Variants in LRMDA observed in about 807,000 individuals in gnomAD.
The protein encoded by LRMDA is leucine rich melanocyte differentiation associated.
A neutral mutation model predicts 29.8 loss-of-function variants in LRMDA; 18 were observed. That is an observed-to-expected ratio of 0.60 (90% CI 0.42 to 0.90). The LOEUF (loss-of-function observed/expected upper bound fraction) is 0.90. Ranked by LOEUF, LRMDA falls within the 40% of genes least tolerant of loss-of-function variation. The pLI is 0.00. For synonymous variants in LRMDA, 125 were observed against 109.4 expected (o/e 1.14, Z -0.89); for missense variants, 273 against 273.9 (o/e 1.00, Z 0.02).
intron 2 of LRMDA, among the ~76,000 whole-genome samples, chr10:76,018,265 G>T (rs1390983547): frequency 1.3e-5 from 2 of 152,164 alleles, no homozygotes; most frequent in Non-Finnish European, 2.9e-5. Flanking sequence ...CCTGCATATT[G>T]TATGATGTTT....
chr10:76,518,189 G>C (rs1299294667), intron 6 of LRMDA, among the ~76,000 whole-genome samples: 1 of 151,694 alleles, frequency 6.6e-6, no homozygotes, highest in Non-Finnish European at 1.5e-5. Context: ...AGATATACCA[G>C]GCAATGGCAA....
At chr10:76,168,241 A>G (rs1036365962) in intron 5 of LRMDA, among the ~76,000 whole-genome samples, 1 of 152,148 alleles carries the variant, frequency 6.6e-6, no homozygotes, top group Non-Finnish European at 1.5e-5. Flanking sequence ...AACCACATCT[A>G]TTTCCTGAAA....
intron 2 of LRMDA, among the ~76,000 whole-genome samples, chr10:75,593,177 T>A (rs1840745025): frequency 6.6e-6 from 1 of 152,250 alleles, no homozygotes; most frequent in Non-Finnish European, 1.5e-5. Context: ...AATTTATTTT[T>A]TAACCAGTTT....
At position 76,452,493 on chromosome 10, in the gene LRMDA, G is replaced by GA. The variant is rs573403385; in HGVS notation, c.602-104705dup. Among the ~76,000 whole-genome samples, 70 of 144,462 alleles carry GA rather than the reference G, an allele frequency of 4.8e-4. 1 individual carries two copies. In the Middle Eastern group the frequency reaches 0.022, roughly 45 times the overall value. The allele number at this position is 144,462 out of a possible 152,430, so 94.8% of individuals were successfully genotyped here. On this transcript the variant is annotated intron_variant, in intron 6 of 6. Transcript: ENST00000611255. ...GTGAAATTTAAGATGGGAACTGAATGAAAAAAAAAAAGATATCCATCAGGT... is the reference window on the plus strand; with the variant it reads ...GTGAAATTTAAGATGGGAACTGAATGAAAAAAAAAAAAGATATCCATCAGGT...
intron 6 of LRMDA, among the ~76,000 whole-genome samples, chr10:76,327,966 A>C (rs1840856932): frequency 6.6e-6 from 1 of 152,212 alleles, no homozygotes; most frequent in African/African-American, 2.4e-5. Flanking sequence ...GGATGAATTG[A>C]AGTAACTGAT....
chr10:75,664,950 T>C (rs1564534459), intron 2 of LRMDA, among the ~76,000 whole-genome samples: 1 of 152,188 alleles, frequency 6.6e-6, no homozygotes, highest in African/African-American at 2.4e-5. Flanking sequence ...GTTGGGGATT[T>C]AGATACTATT....
At chr10:75,898,070 T>G (rs934283093) in intron 2 of LRMDA, among the ~76,000 whole-genome samples, 3 of 152,056 alleles carry the variant, frequency 2.0e-5, no homozygotes, top group African/African-American at 7.2e-5. Context: ...ATGATCCATC[T>G]GCCTTGGCCT....
chr10:75,814,444 G>A (rs1844021827), intron 2 of LRMDA, among the ~76,000 whole-genome samples: 1 of 152,148 alleles, frequency 6.6e-6, no homozygotes. Flanking sequence ...ACATACTAGT[G>A]TGCTCTCCTA....
At chr10:76,013,196 G>A (rs993115788) in intron 2 of LRMDA, among the ~76,000 whole-genome samples, 1 of 152,174 alleles carries the variant, frequency 6.6e-6, no homozygotes, top group Non-Finnish European at 1.5e-5. Context: ...GGGTGGTAAT[G>A]GGACCCAGGA....
chr10:75,959,304 G>A (rs1308447996), intron 2 of LRMDA, among the ~76,000 whole-genome samples: 2 of 152,116 alleles, frequency 1.3e-5, no homozygotes, highest in Non-Finnish European at 2.9e-5. Context: ...GAGAGGGACC[G>A]GGTTTTGGGC....
At chr10:76,124,919 C>G (rs563418032) in intron 5 of LRMDA, among the ~76,000 whole-genome samples, 17 of 152,172 alleles carry the variant, frequency 1.1e-4, no homozygotes, top group African/African-American at 3.9e-4. Flanking sequence ...TCATTTTTGT[C>G]TCAAAAGCAG....
chr10:75,975,746 G>A (rs2132443590), intron 2 of LRMDA, among the ~76,000 whole-genome samples: 1 of 152,292 alleles, frequency 6.6e-6, no homozygotes, highest in African/African-American at 2.4e-5. Flanking sequence ...AATCATGTCT[G>A]CTCAATATTC....
intron 6 of LRMDA, among the ~76,000 whole-genome samples, chr10:76,349,857 A>G (rs1360159652): frequency 6.6e-6 from 1 of 152,114 alleles, no homozygotes; most frequent in Non-Finnish European, 1.5e-5. Context: ...CTGGGACTCT[A>G]CCACAGGAAA....
rs191196798 is a variant in LRMDA, at chr10:76,060,932, A to G, written c.516+2149A>G. 2.9e-3 allele frequency among the ~76,000 whole-genome samples: 444 copies of G among 152,372 alleles called. 2 individuals carry two copies. Among genetic ancestry groups the G allele is most frequent in the Non-Finnish European group, 4.7e-3 (321 of 68,034 alleles). ...CTTTAAAAAGCCTGTTAAGGTGTAA[A>G]TTAGTTCAACCATTGTGGAAAGCAG... On this transcript the variant is annotated intron_variant, in intron 5 of 6. Transcript: ENST00000611255.
intron 5 of LRMDA, among the ~76,000 whole-genome samples, chr10:76,259,683 T>C (rs966897957): frequency 1.3e-5 from 2 of 152,116 alleles, no homozygotes; most frequent in African/African-American, 2.4e-5. Flanking sequence ...CAACTACTAT[T>C]GTATTGGGGT....
At chr10:75,599,850 T>C (rs763912463) in intron 2 of LRMDA, among the ~76,000 whole-genome samples, 4 of 151,792 alleles carry the variant, frequency 2.6e-5, no homozygotes, top group Non-Finnish European at 4.4e-5. Context: ...CCCTAGAGAG[T>C]GGTTTCTCCA....
chr10:75,505,241 A>G (rs780020675), intron 2 of LRMDA, among the ~76,000 whole-genome samples: 5 of 152,192 alleles, frequency 3.3e-5, no homozygotes, highest in Non-Finnish European at 5.9e-5. Flanking sequence ...TGGTGGTCTC[A>G]TGGCATTGTA....
intron 2 of LRMDA, among the ~76,000 whole-genome samples, chr10:75,735,534 G>C (rs984560751): frequency 6.6e-6 from 1 of 152,152 alleles, no homozygotes; most frequent in African/African-American, 2.4e-5. Context: ...ATTCTCAGTG[G>C]GGAGTGCTGT....
chr10:76,097,530 A>G (rs1258020393), intron 5 of LRMDA, among the ~76,000 whole-genome samples: 1 of 152,192 alleles, frequency 6.6e-6, no homozygotes, highest in Non-Finnish European at 1.5e-5. Context: ...GGCTATCACA[A>G]CTAAGTATGA....
Sources: gnomAD v4.1 joint callset for allele counts (sites outside exome capture counted in the v4.1 genomes callset) on GRCh38, gnomAD v4.1.1 for gene constraint, MANE v1.5 for transcripts, NCBI Gene and HGNC (gene_info 2026-07-23, HGNC 2026-07-21) for gene names.